MOSPD1: variants seen among roughly 807,000 people sequenced by gnomAD.
The protein encoded by MOSPD1 is motile sperm domain containing 1, also known as motile sperm domain-containing protein 1.
Under a neutral mutation model 16.7 loss-of-function variants are expected in MOSPD1, and 5 were observed. That is an observed-to-expected ratio of 0.30 (90% confidence interval 0.16 to 0.63). The LOEUF is 0.63. MOSPD1 is among the 30% of genes least tolerant of loss of function. The pLI, the probability that MOSPD1 is intolerant of heterozygous loss-of-function variation, is 0.82. For missense variants in MOSPD1, 104 were observed against 153.6 expected (o/e 0.68, Z 1.71); for synonymous variants, 67 against 59.2 (o/e 1.13, Z -0.61).
At chrX:134,895,907 A>C (rs1014654838) in intron 4 of MOSPD1, among the ~76,000 whole-genome samples, 1 of 111,403 alleles carries the variant, frequency 9.0e-6, no homozygotes, top group Non-Finnish European at 1.9e-5. Flanking sequence ...ACTAGGAAAA[A>C]ACTCTTGGCT....
chrX:134,910,647 G>C (rs1297684775), intron 1 of MOSPD1, among the ~76,000 whole-genome samples: 1 of 112,244 alleles, frequency 8.9e-6, no homozygotes, highest in South Asian at 3.7e-4. Context: ...CTTAAGGCTA[G>C]TCTGCAGTAG....
At chrX:134,913,330 C>T (rs1603258251) in intron 1 of MOSPD1, among the ~76,000 whole-genome samples, 1 of 110,839 alleles carries the variant, frequency 9.0e-6, no homozygotes, top group Non-Finnish European at 1.9e-5. Context: ...GCTGAGACTG[C>T]ACCACTGCAC....
chrX:134,905,261 C>G (rs753873289), intron 1 of MOSPD1, among the ~76,000 whole-genome samples: 7 of 104,788 alleles, frequency 6.7e-5, no homozygotes, highest in Non-Finnish European at 1.2e-4. Flanking sequence ...CCCAGCTACT[C>G]AGGAGGCTGA....
Position 134,887,885 on chromosome X carries a change from C to T in MOSPD1, c.*1276G>A, listed in dbSNP as rs183470423. ...CACATGGTTAAACAGTGAGGATTTC[C>T]TATGGAAGACTAGACATAGAAGTTT... is the stretch of plus-strand genomic sequence containing the variant. On this transcript the variant is annotated 3_prime_UTR_variant, in exon 6 of 6. Coordinates refer to ENST00000370783, the MANE Select transcript of MOSPD1 (RefSeq NM_019556.3). 26 of 112,767 alleles carry T rather than the reference C, an allele frequency of 2.3e-4. No individual in the cohort carries two copies. Among genetic ancestry groups the T allele is most frequent in the South Asian group, 1.1e-3 (3 of 2,747 alleles). 9.3% of individuals were successfully genotyped at this position (112,767 alleles called of 1,213,427 possible). A position where few individuals can be genotyped will look rare whatever the true frequency, so the allele number is the denominator to read the frequency against.
chrX:134,888,343 T>C lies in MOSPD1; in HGVS notation c.*818A>G, dbSNP rs769173620. 1 of 112,000 alleles carries C rather than the reference T, an allele frequency of 8.9e-6. No individual in the cohort carries two copies. Among genetic ancestry groups the C allele is most frequent in the East Asian group, 2.8e-4 (1 of 3,570 alleles). The allele number at this position is 112,000 out of a possible 1,213,427, so 9.2% of individuals were successfully genotyped here. On this transcript the variant is annotated 3_prime_UTR_variant, in exon 6 of 6. Transcript: ENST00000370783. ...CACCTGGTATCTGGTAATCCCAGTCTGGGTAAGTCAGGCAGGGAGGGGCTT... is the reference window on the plus strand; with the variant it reads ...CACCTGGTATCTGGTAATCCCAGTCCGGGTAAGTCAGGCAGGGAGGGGCTT...
At chrX:134,898,509 C>A (rs897267209) in intron 3 of MOSPD1, among the ~76,000 whole-genome samples, 13 of 111,836 alleles carry the variant, frequency 1.2e-4, no homozygotes, top group Non-Finnish European at 2.1e-4. Flanking sequence ...CTGGTCACCA[C>A]TAGTTCTAAA....
In MOSPD1 at chrX:134,898,117, G is replaced by A. The variant is rs750771288; in HGVS notation, c.230+973C>T. On this transcript the variant is annotated intron_variant, in intron 3 of 5. Transcript: ENST00000370783. The stretch of plus-strand genomic sequence containing the variant: ...TGGTCTTGAACTCCTGACCTCAGGT[G>A]ATCCTCCCACCTCAGCCTCCCAAAG... Among the ~76,000 whole-genome samples the A allele has an allele frequency of 6.3e-5, 7 of 110,893 alleles. No homozygotes were observed. In the East Asian group the frequency reaches 2.0e-3, roughly 31 times the overall value.
chrX:134,901,371 G>A (rs1277217490), intron 1 of MOSPD1, among the ~76,000 whole-genome samples: 5 of 108,298 alleles, frequency 4.6e-5, no homozygotes, highest in Admixed American at 9.9e-5. Context: ...GGAGTTGGCC[G>A]GGCGCGGTGG....
At chrX:134,890,869 T>A (rs1240063515) in intron 5 of MOSPD1, among the ~76,000 whole-genome samples, 1 of 111,455 alleles carries the variant, frequency 9.0e-6, no homozygotes, top group Non-Finnish European at 1.9e-5. Context: ...AGAGTTGGCA[T>A]CTAAGCAAAG....
intron 4 of MOSPD1, among the ~76,000 whole-genome samples, chrX:134,893,517 G>A (rs901791410): frequency 1.8e-5 from 2 of 111,708 alleles, no homozygotes; most frequent in Non-Finnish European, 3.8e-5. Flanking sequence ...CTACAGGATC[G>A]TTGTAAAATA....
At chrX:134,893,699 T>G (rs1252584882) in intron 4 of MOSPD1, among the ~76,000 whole-genome samples, 2 of 109,363 alleles carry the variant, frequency 1.8e-5, no homozygotes, top group African/African-American at 3.3e-5. Context: ...TATATAACTG[T>G]TTTTTTTTCC....
intron 1 of MOSPD1, among the ~76,000 whole-genome samples, chrX:134,902,437 C>T (rs1448100507): frequency 1.0e-5 from 1 of 96,581 alleles, no homozygotes; most frequent in Non-Finnish European, 2.1e-5. Flanking sequence ...AACAAAAAAC[C>T]AAAGTTGACA....
At chrX:134,892,722 T>C (rs2082867934) in intron 4 of MOSPD1, among the ~76,000 whole-genome samples, 1 of 111,193 alleles carries the variant, frequency 9.0e-6, no homozygotes, top group African/African-American at 3.3e-5. Context: ...TGAAACCCCA[T>C]CTCTACTAAA....
intron 1 of MOSPD1, among the ~76,000 whole-genome samples, chrX:134,902,279 C>A (rs1017774016): frequency 9.1e-6 from 1 of 109,420 alleles, no homozygotes; most frequent in Non-Finnish European, 1.9e-5. Flanking sequence ...TGGTGGTGGG[C>A]GCCTGTAGTC....
At chrX:134,905,031 G>C (rs948131266) in intron 1 of MOSPD1, among the ~76,000 whole-genome samples, 2 of 110,725 alleles carry the variant, frequency 1.8e-5, no homozygotes, top group African/African-American at 3.3e-5. Flanking sequence ...CGCAAGGAGC[G>C]GTGCAGTGTG....
intron 4 of MOSPD1, among the ~76,000 whole-genome samples, chrX:134,895,796 AAAGT>A (rs768914149): frequency 1.5e-4 from 17 of 110,848 alleles, no homozygotes; most frequent in Non-Finnish European, 2.8e-4. Context: ...TTTGCAATTA[AAAGT>A]AATGGCAAAA....
At chrX:134,899,918 T>G (rs1415695179) in intron 1 of MOSPD1, 1 of 112,128 alleles carries the variant, frequency 8.9e-6, no homozygotes, top group African/African-American at 3.2e-5. Flanking sequence ...ATCACACTGC[T>G]GCACTCCAGC....
intron 4 of MOSPD1, among the ~76,000 whole-genome samples, chrX:134,893,089 A>G (rs2082869874): frequency 9.0e-6 from 1 of 111,647 alleles, no homozygotes; most frequent in Admixed American, 9.6e-5. Flanking sequence ...TTCATTAATG[A>G]AATAATGCTG....
intron 5 of MOSPD1, 99 bp downstream of exon 5, chrX:134,891,380 C>T: frequency 1.2e-6 from 1 of 827,825 alleles, no homozygotes; most frequent in Non-Finnish European, 1.7e-6. Flanking sequence ...ATTTCTTTAC[C>T]TGTTCTTTGG....
Sources: gnomAD v4.1 joint callset for allele counts (sites outside exome capture counted in the v4.1 genomes callset) on GRCh38, gnomAD v4.1.1 for gene constraint, MANE v1.5 for transcripts, NCBI Gene and HGNC (gene_info 2026-07-23, HGNC 2026-07-21) for gene names.